Variants in PALLD observed in about 807,000 individuals in gnomAD.
PALLD encodes the protein palladin, cytoskeletal associated protein.
In PALLD, 61 loss-of-function variants were observed where a neutral mutation model predicts 123.5. That is an observed-to-expected ratio of 0.49 (90% CI 0.40 to 0.61). The LOEUF (loss-of-function observed/expected upper bound fraction) is 0.61. Ranked by LOEUF, PALLD falls within the 20% of genes least tolerant of loss-of-function variation. The probability of loss-of-function intolerance (pLI) is 0.00; values close to 1 mark genes in which losing one functional copy is unlikely to be tolerated. For missense variants in PALLD, 1,273 were observed against 1,377.0 expected (o/e 0.92, Z 1.20); for synonymous variants, 465 against 496.4 (o/e 0.94, Z 0.84).
At chr4:168,780,740 T>C (rs1164342878) in intron 10 of PALLD, among the ~76,000 whole-genome samples, 2 of 152,160 alleles carry the variant, frequency 1.3e-5, no homozygotes, top group Non-Finnish European at 1.5e-5. Flanking sequence ...CAGGCTGGAG[T>C]GCAGTGGCAC....
chr4:168,725,319 ATGAG>A (rs1422653843), intron 10 of PALLD, among the ~76,000 whole-genome samples: 1 of 152,162 alleles, frequency 6.6e-6, no homozygotes, highest in Non-Finnish European at 1.5e-5. Flanking sequence ...TTGCCATTAA[ATGAG>A]TAAGTTGTAA....
chr4:168,773,556 G>A (rs1434719206), intron 10 of PALLD, among the ~76,000 whole-genome samples: 29 of 152,166 alleles, frequency 1.9e-4, no homozygotes, highest in Non-Finnish European at 1.5e-5. Context: ...CACTTCACAG[G>A]TGAGAAAAGT....
intron 10 of PALLD, among the ~76,000 whole-genome samples, chr4:168,780,968 A>G (rs1581435278): frequency 6.6e-6 from 1 of 152,344 alleles, no homozygotes; most frequent in East Asian, 1.9e-4. Context: ...AATTACAGGC[A>G]TGAGCCACTG....
chr4:168,634,929 C>T (rs1184317606), intron 2 of PALLD, among the ~76,000 whole-genome samples: 1 of 152,070 alleles, frequency 6.6e-6, no homozygotes, highest in Non-Finnish European at 1.5e-5. Context: ...TGCTTGACCT[C>T]TCCATTATTT....
At chr4:168,599,038 A>G (rs1406579131) in intron 2 of PALLD, among the ~76,000 whole-genome samples, 1 of 152,152 alleles carries the variant, frequency 6.6e-6, no homozygotes, top group East Asian at 1.9e-4. Flanking sequence ...GGTCTTTATA[A>G]AATTCTGTTA....
rs1184631555 is a variant in PALLD, at chr4:168,711,800, A to G, written c.1841A>G (p.His614Arg). The G allele has an allele frequency of 1.2e-6, 2 of 1,614,162 alleles. No individual in the cohort carries two copies. The highest frequency in any genetic ancestry group is 2.2e-5 in the East Asian group (1 of 44,882). Residue 614 changes from histidine (H) to arginine (R), a missense_variant, in exon 10 of 22, where the codon CAT becomes CGT. Around this residue, in one of 2 missense-constraint regions of PALLD, gnomAD observed 944 missense variants for 954.5 expected, o/e 0.99. Coordinates refer to ENST00000505667, the MANE Select transcript of PALLD (RefSeq NM_001166108.2). ...NAAERETNGV[H>R]PSRGVNGLIN... ...GCTGAGAGGGAAACGAACGGAGTCC[A>G]TCCCAGCCGTGGAGTAAATGGACTG...
chr4:168,836,394 C>T (rs190384668), intron 10 of PALLD, among the ~76,000 whole-genome samples: 270 of 152,302 alleles, frequency 1.8e-3, no homozygotes, highest in Non-Finnish European at 2.8e-3. Flanking sequence ...TGAGCAATAA[C>T]CGTTTTCTGG....
intron 10 of PALLD, among the ~76,000 whole-genome samples, chr4:168,811,618 C>T (rs1358920939): frequency 2.6e-5 from 4 of 152,114 alleles, no homozygotes; most frequent in Admixed American, 1.3e-4. Context: ...TGCCTGTAGT[C>T]CCCGCTACTC....
intron 2 of PALLD, among the ~76,000 whole-genome samples, chr4:168,626,307 C>G (rs1299191584): frequency 6.7e-6 from 1 of 149,326 alleles, no homozygotes; most frequent in Non-Finnish European, 1.5e-5. Context: ...GAGGCTGAGG[C>G]AGGAGAATGG....
intron 10 of PALLD, among the ~76,000 whole-genome samples, chr4:168,767,707 C>G (rs1397414249): frequency 2.0e-5 from 3 of 152,182 alleles, no homozygotes; most frequent in African/African-American, 7.2e-5. Context: ...ACCACCACAC[C>G]TGGCTAATTT....
chr4:168,759,202 A>AATATATATATATATAT (rs147474708), intron 10 of PALLD, among the ~76,000 whole-genome samples: 2 of 22,302 alleles, frequency 9.0e-5, no homozygotes, highest in Non-Finnish European at 1.7e-4. Flanking sequence ...AAAAAAAAAA[A>AATATATATATATATAT]ATATATATAT....
intron 8 of PALLD, among the ~76,000 whole-genome samples, chr4:168,703,178 G>A (rs1277425889): frequency 2.1e-5 from 3 of 145,378 alleles, no homozygotes; most frequent in African/African-American, 2.6e-5. Flanking sequence ...TTGTTCTTGC[G>A]ATAGTTTACT....
At chr4:168,523,276 A>T (rs1459981548) in intron 2 of PALLD, among the ~76,000 whole-genome samples, 1 of 107,710 alleles carries the variant, frequency 9.3e-6, no homozygotes, top group Non-Finnish European at 1.8e-5. Flanking sequence ...GGGAGGAAGG[A>T]GGGGGGAGGG....
chr4:168,815,499 A>G (rs904081957), intron 10 of PALLD, among the ~76,000 whole-genome samples: 3 of 152,274 alleles, frequency 2.0e-5, no homozygotes, highest in African/African-American at 7.2e-5. Flanking sequence ...ACTGTCCTCC[A>G]TAAAATAGGG....
intron 10 of PALLD, among the ~76,000 whole-genome samples, chr4:168,817,622 T>C (rs1360292963): frequency 6.6e-6 from 1 of 152,236 alleles, no homozygotes; most frequent in Non-Finnish European, 1.5e-5. Flanking sequence ...TAAATGCTGC[T>C]CTTATTTTGA....
chr4:168,793,063 A>C (rs1420804592), intron 10 of PALLD, among the ~76,000 whole-genome samples: 1 of 151,112 alleles, frequency 6.6e-6, no homozygotes, highest in Non-Finnish European at 1.5e-5. Context: ...CGTATTTTTA[A>C]ATGTGCGTAA....
intron 10 of PALLD, among the ~76,000 whole-genome samples, chr4:168,714,047 TTAAC>T (rs1054336513): frequency 6.0e-5 from 9 of 150,692 alleles, no homozygotes; most frequent in Non-Finnish European, 7.4e-5. Context: ...TACCTGCCAT[TTAAC>T]TAGGTAGAAA....
chr4:168,668,889 G>A (rs1779912595), intron 3 of PALLD, among the ~76,000 whole-genome samples: 1 of 152,158 alleles, frequency 6.6e-6, no homozygotes, highest in African/African-American at 2.4e-5. Flanking sequence ...TATTAAAGAG[G>A]GGTACGCAGA....
At chr4:168,698,212 G>A (rs902709754) in intron 8 of PALLD, among the ~76,000 whole-genome samples, 5 of 152,174 alleles carry the variant, frequency 3.3e-5, no homozygotes, top group Non-Finnish European at 5.9e-5. Flanking sequence ...GGGGTATTGA[G>A]AGGCTGTGGG....
Sources: gnomAD v4.1 joint callset for allele counts (sites outside exome capture counted in the v4.1 genomes callset) on GRCh38, gnomAD v4.1.1 for gene constraint, gnomAD v4.1.1 regional missense constraint, MANE v1.5 for transcripts, NCBI Gene and HGNC (gene_info 2026-07-23, HGNC 2026-07-21) for gene names.